Variants in MAP4K4 observed in about 807,000 individuals in gnomAD.
MAP4K4 encodes the protein HPK/GCK-like kinase HGK.
A neutral mutation model predicts 189.6 loss-of-function variants in MAP4K4; 38 were observed. The observed-to-expected ratio is 0.20, with a 90% CI of 0.15 to 0.26. The LOEUF (loss-of-function observed/expected upper bound fraction) is 0.26. Ranked by LOEUF, MAP4K4 falls within the 10% of genes least tolerant of loss-of-function variation. MAP4K4 has a pLI of 1.00. For synonymous variants in MAP4K4, 610 were observed against 624.3 expected (o/e 0.98, Z 0.34); for missense variants, 1,054 against 1,726.9 (o/e 0.61, Z 6.91).
intron 6 of MAP4K4, among the ~76,000 whole-genome samples, chr2:101,830,543 T>C (rs1184967556): frequency 6.6e-6 from 1 of 152,240 alleles, no homozygotes; most frequent in African/African-American, 2.4e-5. Context: ...TTAGAAATCA[T>C]AGGCACAGCT....
chr2:101,811,348 G>A (rs986831750), intron 3 of MAP4K4, among the ~76,000 whole-genome samples: 8 of 125,192 alleles, frequency 6.4e-5, no homozygotes, highest in Admixed American at 2.9e-4. Context: ...TTCCAGCATG[G>A]CGACAGAGTG....
chr2:101,871,607 C>T lies in MAP4K4; in HGVS notation c.2874C>T (p.Thr958=), dbSNP rs764788679. 5 of 1,536,524 alleles carry T rather than the reference C, an allele frequency of 3.3e-6. No individual in the cohort carries two copies. The South Asian group carries it at 5.9e-5, about 18-fold the overall frequency. Residue 958 remains threonine (T), a synonymous_variant, in exon 24 of 33, where the codon ACC becomes ACT. Transcript: ENST00000324219. ...GCCATTCCTCCTCCACTTCCTCCAC[C>T]TCCTCCTCCCCATCCTCCAGCCAGC...
intron 2 of MAP4K4, among the ~76,000 whole-genome samples, chr2:101,762,184 C>A (rs1376216324): frequency 6.6e-6 from 1 of 152,126 alleles, no homozygotes; most frequent in African/African-American, 2.4e-5. Context: ...TGGTGATGAC[C>A]TCTGGCATCA....
At chr2:101,859,929 G>A (rs1168858206) in intron 15 of MAP4K4, 65 bp downstream of exon 15, 1 of 1,439,282 alleles carries the variant, frequency 6.9e-7, no homozygotes, top group Admixed American at 2.0e-5. Context: ...CTTCAGAACT[G>A]TGTCATATGA....
chr2:101,785,983 G>A (rs1276949919), intron 2 of MAP4K4, among the ~76,000 whole-genome samples: 1 of 151,978 alleles, frequency 6.6e-6, no homozygotes, highest in African/African-American at 2.4e-5. Flanking sequence ...CCGCCACCAT[G>A]CCTGGCTGAT....
At chr2:101,880,504 T>C (rs529059488) in intron 27 of MAP4K4, among the ~76,000 whole-genome samples, 6 of 152,084 alleles carry the variant, frequency 3.9e-5, no homozygotes, top group Non-Finnish European at 7.4e-5. Context: ...TATATTTGTA[T>C]AGTTCTATTT....
chr2:101,850,049 G>A (rs1163023822), intron 12 of MAP4K4, among the ~76,000 whole-genome samples: 1 of 152,034 alleles, frequency 6.6e-6, no homozygotes, highest in Non-Finnish European at 1.5e-5. Context: ...TCCTTTCAAA[G>A]CCTTTACCCC....
At chr2:101,866,072 T>A (rs1385434491) in intron 18 of MAP4K4, among the ~76,000 whole-genome samples, 2 of 152,174 alleles carry the variant, frequency 1.3e-5, no homozygotes, top group South Asian at 2.1e-4. Flanking sequence ...CAGAATATAG[T>A]TTTGTGTATA....
chr2:101,864,838 T>G (rs2097769306), intron 17 of MAP4K4, 92 bp from the exon 18 acceptor site: 1 of 821,224 alleles, frequency 1.2e-6, no homozygotes, highest in Non-Finnish European at 2.0e-6. Context: ...TTTTAAATAT[T>G]AGGACTGCTT....
intron 2 of MAP4K4, among the ~76,000 whole-genome samples, chr2:101,783,548 C>T (rs984786524): frequency 2.6e-5 from 4 of 152,096 alleles, no homozygotes; most frequent in African/African-American, 9.7e-5. Context: ...GTTCTTATGG[C>T]CTGGGATAGA....
intron 23 of MAP4K4, among the ~76,000 whole-genome samples, chr2:101,871,261 T>G (rs1174608328): frequency 6.6e-6 from 1 of 152,202 alleles, no homozygotes; most frequent in African/African-American, 2.4e-5. Context: ...TAAACCAGAT[T>G]AAACACTCAC....
intron 2 of MAP4K4, among the ~76,000 whole-genome samples, chr2:101,731,026 A>G (rs2058226895): frequency 6.6e-6 from 1 of 150,586 alleles, no homozygotes; most frequent in Non-Finnish European, 1.5e-5. Context: ...AGCCTGGGCG[A>G]CAGAGGGAGA....
At chr2:101,704,849 A>G (rs1031708789) in intron 2 of MAP4K4, among the ~76,000 whole-genome samples, 1 of 152,016 alleles carries the variant, frequency 6.6e-6, no homozygotes, top group Non-Finnish European at 1.5e-5. Context: ...GAGAAGGCCA[A>G]GGTAATCTTA....
intron 21 of MAP4K4, among the ~76,000 whole-genome samples, chr2:101,868,454 A>C (rs1397777813): frequency 2.0e-5 from 3 of 152,240 alleles, no homozygotes; most frequent in Non-Finnish European, 4.4e-5. Flanking sequence ...AAAATTCCCC[A>C]AAAAAGATGA....
At chr2:101,793,870 A>C (rs1251170024) in intron 3 of MAP4K4, among the ~76,000 whole-genome samples, 2 of 152,122 alleles carry the variant, frequency 1.3e-5, no homozygotes, top group Non-Finnish European at 2.9e-5. Flanking sequence ...GCTTTACTTG[A>C]TTATGTGAAT....
chr2:101,866,086 A>T (rs1363398683), intron 18 of MAP4K4, among the ~76,000 whole-genome samples: 1 of 152,232 alleles, frequency 6.6e-6, no homozygotes, highest in Non-Finnish European at 1.5e-5. Context: ...GTGTATAATT[A>T]TACAAATACG....
intron 2 of MAP4K4, among the ~76,000 whole-genome samples, chr2:101,708,379 G>A (rs369090861): frequency 6.6e-6 from 1 of 152,270 alleles, no homozygotes. Context: ...AATAAAAAAT[G>A]AAAACAAGGG....
At chr2:101,708,578 G>A (rs954355853) in intron 2 of MAP4K4, among the ~76,000 whole-genome samples, 3 of 152,146 alleles carry the variant, frequency 2.0e-5, no homozygotes. Context: ...AGATAGAGGA[G>A]TTTGTTCAGC....
chr2:101,715,588 C>T (rs2047942833), intron 2 of MAP4K4, among the ~76,000 whole-genome samples: 1 of 152,004 alleles, frequency 6.6e-6, no homozygotes, highest in South Asian at 2.1e-4. Context: ...ATCTCTAATC[C>T]AAAAGTCTGA....
Sources: gnomAD v4.1 joint callset for allele counts (sites outside exome capture counted in the v4.1 genomes callset) on GRCh38, gnomAD v4.1.1 for gene constraint, MANE v1.5 for transcripts, NCBI Gene and HGNC (gene_info 2026-07-23, HGNC 2026-07-21) for gene names.